PPP4R2: variants seen among roughly 807,000 people sequenced by gnomAD.
PPP4R2 encodes the protein serine/threonine-protein phosphatase 4 regulatory subunit 2.
A neutral mutation model predicts 47.2 loss-of-function variants in PPP4R2; 13 were observed. The observed-to-expected ratio is 0.28, with a 90% CI of 0.18 to 0.44. The LOEUF (loss-of-function observed/expected upper bound fraction) is 0.44. Ranked by LOEUF, PPP4R2 falls within the 20% of genes least tolerant of loss-of-function variation. The pLI, the probability that PPP4R2 is intolerant of heterozygous loss-of-function variation, is 1.00. For synonymous variants in PPP4R2, 151 were observed against 163.3 expected (o/e 0.92, Z 0.57); for missense variants, 421 against 491.2 (o/e 0.86, Z 1.35).
chr3:73,014,341 A>C (rs1404684166), intron 2 of PPP4R2, among the ~76,000 whole-genome samples: 2 of 71,190 alleles, frequency 2.8e-5, no homozygotes, highest in African/African-American at 8.3e-5. Context: ...GCTGGAGTGC[A>C]GTGGCATGAT....
chr3:73,002,526 A>G (rs534966667), intron 2 of PPP4R2, among the ~76,000 whole-genome samples: 93 of 152,010 alleles, frequency 6.1e-4, no homozygotes, highest in Middle Eastern at 6.8e-3. Flanking sequence ...ATTACAAAGC[A>G]TGAGCCATTG....
At chr3:73,035,615 C>A (rs1042520692) in intron 2 of PPP4R2, among the ~76,000 whole-genome samples, 1 of 152,030 alleles carries the variant, frequency 6.6e-6, no homozygotes, top group Non-Finnish European at 1.5e-5. Flanking sequence ...CAAAGAGATA[C>A]CTGCACTTTC....
chr3:73,027,267 C>A (rs981489791), intron 2 of PPP4R2, among the ~76,000 whole-genome samples: 1 of 152,190 alleles, frequency 6.6e-6, no homozygotes, highest in Non-Finnish European at 1.5e-5. Flanking sequence ...GCTGGGACTA[C>A]AGGCGTGCGC....
Position 73,064,902 on chromosome 3 carries a change from A to G in PPP4R2, c.689A>G (p.Asn230Ser), listed in dbSNP as rs752372136. 6.2e-7 allele frequency: 1 copy of G among 1,613,570 alleles called. No homozygotes were observed. ...GTTTCCTCAGTGAGCCCTTTGAAAAATAAACATCCAGATGAAGATGCTGTG... is the reference window on the plus strand; with the variant it reads ...GTTTCCTCAGTGAGCCCTTTGAAAAGTAAACATCCAGATGAAGATGCTGTG... ...SEVSSVSPLK[N>S]KHPDEDAVEA... Residue 230 changes from asparagine (N) to serine (S), a missense_variant, in exon 8 of 9, where the codon AAT (asparagine) becomes AGT (serine). Transcript: ENST00000356692.
At chr3:73,038,702 G>A (rs1289015129) in intron 2 of PPP4R2, among the ~76,000 whole-genome samples, 3 of 152,306 alleles carry the variant, frequency 2.0e-5, no homozygotes, top group African/African-American at 7.2e-5. Flanking sequence ...CAGGCTAACC[G>A]GAATATACTG....
At chr3:73,053,971 A>G (rs1349051722) in intron 3 of PPP4R2, among the ~76,000 whole-genome samples, 1 of 151,470 alleles carries the variant, frequency 6.6e-6, no homozygotes, top group Non-Finnish European at 1.5e-5. Context: ...ATGTGTATGA[A>G]TTTTCTTTTG....
intron 2 of PPP4R2, among the ~76,000 whole-genome samples, chr3:73,024,660 T>TC (rs1175136557): frequency 7.9e-5 from 12 of 152,116 alleles, no homozygotes; most frequent in Admixed American, 7.9e-4. Flanking sequence ...CCTCCCTCCC[T>TC]CCTTCTCCTT....
At chr3:73,063,611 A>G in intron 5 of PPP4R2, 62 bp from the exon 6 acceptor site, 1 of 938,352 alleles carries the variant, frequency 1.1e-6, no homozygotes, top group East Asian at 2.5e-5. Context: ...CTTGGGTGAC[A>G]GAGCCAGACT....
chr3:73,063,016 A>G (rs1241423915), intron 5 of PPP4R2: 14 of 983,584 alleles, frequency 1.4e-5, no homozygotes, highest in Non-Finnish European at 2.2e-5. Context: ...GTCTTTGAGG[A>G]GAAAAAAAAC....
In PPP4R2 at chr3:73,065,025, T is replaced by C; in HGVS notation, c.812T>C (p.Val271Ala). The change falls in exon 8 of 9, where the codon GTT becomes GCT. Residue 271 changes from valine (V) to alanine (A), a missense_variant. Coordinates refer to ENST00000356692, the MANE Select transcript of PPP4R2 (RefSeq NM_174907.4). ...ACGACTTCCAGCGAAATTTCTTCAG[T>C]TATGGTAGGAGAAACAGAAGCATCA... is the stretch of plus-strand genomic sequence containing the variant. ...SQTTSSEISS[V>A]MVGETEASSS... The C allele has an allele frequency of 6.2e-7, 1 of 1,613,900 alleles. No individual in the cohort carries two copies. The highest frequency in any genetic ancestry group is 8.5e-7 in the Non-Finnish European group (1 of 1,179,876).
chr3:73,063,106 C>T (rs930075762), intron 5 of PPP4R2: 8 of 560,846 alleles, frequency 1.4e-5, no homozygotes, highest in Middle Eastern at 2.8e-4. Flanking sequence ...GCTGTCACCA[C>T]GAATGTTCCC....
chr3:73,024,957 C>T (rs1163423175), intron 2 of PPP4R2, among the ~76,000 whole-genome samples: 1 of 152,110 alleles, frequency 6.6e-6, no homozygotes, highest in Non-Finnish European at 1.5e-5. Context: ...GCCCAGGGAC[C>T]TCAGCAGCAG....
intron 2 of PPP4R2, among the ~76,000 whole-genome samples, chr3:73,002,797 A>G (rs1406068961): frequency 6.6e-6 from 1 of 150,446 alleles, no homozygotes; most frequent in Non-Finnish European, 1.5e-5. Context: ...ATGCGCCACC[A>G]CGCCTGGCTA....
chr3:73,063,873 T>A, intron 6 of PPP4R2, 126 bp downstream of exon 6: 1 of 1,115,608 alleles, frequency 9.0e-7, no homozygotes, highest in African/African-American at 1.6e-5. Flanking sequence ...TAGAATTAGT[T>A]AATTTGGTAA....
intron 3 of PPP4R2, among the ~76,000 whole-genome samples, chr3:73,054,307 T>G (rs1702684070): frequency 6.6e-6 from 1 of 152,192 alleles, no homozygotes; most frequent in African/African-American, 2.4e-5. Context: ...TTCATAAATA[T>G]AAATATTTAT....
chr3:72,997,805 G>A (rs1009110678), intron 1 of PPP4R2, among the ~76,000 whole-genome samples: 3 of 152,088 alleles, frequency 2.0e-5, no homozygotes, highest in African/African-American at 2.4e-5. Flanking sequence ...ATATAATGCT[G>A]GTGTTCCCCC....
intron 2 of PPP4R2, among the ~76,000 whole-genome samples, chr3:73,027,271 C>T (rs560129231): frequency 3.9e-5 from 6 of 152,188 alleles, no homozygotes; most frequent in Non-Finnish European, 7.3e-5. Flanking sequence ...GGACTACAGG[C>T]GTGCGCCACC....
rs918651526 is a variant in PPP4R2 at position 72,996,907 on chromosome 3, C to T, written c.-131C>T. 8 of 559,074 alleles carry T rather than the reference C, an allele frequency of 1.4e-5. No individual in the cohort carries two copies. In the East Asian group the frequency reaches 2.4e-4, roughly 17 times the overall value. The allele number at this position is 559,074 out of a possible 1,614,324, so 34.6% of individuals were successfully genotyped here. ...CGCTTCCCCCGGCTCCCTTCGTTTC[C>T]CCCCCCCGGTCGCCTGCGTGCCGGA... On this transcript the variant is annotated 5_prime_UTR_variant, in exon 1 of 9. Coordinates refer to ENST00000356692, the MANE Select transcript of PPP4R2 (RefSeq NM_174907.4).
At chr3:73,062,330 C>T (rs201649088) in intron 5 of PPP4R2, 1 of 1,607,780 alleles carries the variant, frequency 6.2e-7, no homozygotes. Context: ...CTGGGAAAAA[C>T]AGACAGTATC....
Sources: allele counts gnomAD v4.1 joint callset (sites outside exome capture counted in the v4.1 genomes callset), GRCh38; gene constraint gnomAD v4.1.1; transcripts MANE v1.5; gene names NCBI Gene and HGNC (gene_info 2026-07-23, HGNC 2026-07-21).